Variants in ADAMTS12 observed in about 807,000 individuals in gnomAD.
ADAMTS12 encodes A disintegrin and metalloproteinase with thrombospondin motifs 12.
ADAMTS12 carries 118 observed loss-of-function variants against 167.8 expected under a neutral mutation model. The observed-to-expected ratio is 0.70, with a 90% CI of 0.61 to 0.82. The LOEUF is 0.82. ADAMTS12 is among the 40% of genes least tolerant of loss of function. ADAMTS12 has a pLI of 0.00. For missense variants in ADAMTS12, 1,916 were observed against 1,998.8 expected, an observed-to-expected ratio of 0.96 and a Z score of 0.79; for synonymous variants, 704 against 716.9, an observed-to-expected ratio of 0.98 and a Z score of 0.29.
chr5:33,875,505 C>G (rs1750196872), intron 2 of ADAMTS12, among the ~76,000 whole-genome samples: 1 of 152,144 alleles, frequency 6.6e-6, no homozygotes, highest in South Asian at 2.1e-4. Context: ...AAAATAAACA[C>G]TTTTTAAAAA....
chr5:33,695,973 T>G (rs1012042165), intron 3 of ADAMTS12, among the ~76,000 whole-genome samples: 7 of 152,228 alleles, frequency 4.6e-5, no homozygotes, highest in African/African-American at 1.2e-4. Context: ...TTTCCTGCAC[T>G]TCAATCGCTG....
chr5:33,614,284 G>C lies in ADAMTS12; in HGVS notation c.2481C>G (p.Phe827Leu). 1 of 1,614,118 alleles carries C rather than the reference G, an allele frequency of 6.2e-7. No individual in the cohort carries two copies. Among genetic ancestry groups the C allele is most frequent in the South Asian group, 1.1e-5 (1 of 91,088 alleles). Residue 827 changes from phenylalanine (F) to leucine (L), a missense_variant, in exon 16 of 24, where the codon TTC (phenylalanine) becomes TTG (leucine). Coordinates refer to ENST00000504830, the MANE Select transcript of ADAMTS12 (RefSeq NM_030955.4). ...ACTCTGTCCAGTGGCCGTACTGCCA[G>C]AAGTACATCTGCTGCTCAACATCAT... ...LDNDVEQQMY[F>L]WQYGHWTECS...
chr5:33,888,974 G>A (rs16891881), intron 1 of ADAMTS12, among the ~76,000 whole-genome samples: 14,699 of 152,164 alleles, frequency 0.097, 1,274 homozygotes, highest in African/African-American at 0.22. Flanking sequence ...CTAAAATCCT[G>A]ACTTAGCCCA....
At chr5:33,883,483 G>A (rs1022442108) in intron 1 of ADAMTS12, among the ~76,000 whole-genome samples, 1 of 151,864 alleles carries the variant, frequency 6.6e-6, no homozygotes, top group Non-Finnish European at 1.5e-5. Flanking sequence ...TAAAAAGCCC[G>A]GACCCATTAC....
chr5:33,604,416 A>T lies in ADAMTS12; in HGVS notation c.2528-8356T>A, dbSNP rs141805113. Among the ~76,000 whole-genome samples the T allele has an allele frequency of 2.3e-4, 35 of 152,012 alleles. No individual in the cohort carries two copies. In the East Asian group the frequency reaches 6.8e-3, roughly 29 times the overall value. On this transcript the variant is annotated intron_variant, in intron 16 of 23. Coordinates refer to ENST00000504830, the MANE Select transcript of ADAMTS12 (RefSeq NM_030955.4). ...CTGGGCAGGCTGAGGCAGGAGAATC[A>T]CTTGAACCTGGGAGGTGGAGGTTGC...
intron 14 of ADAMTS12, among the ~76,000 whole-genome samples, chr5:33,622,732 A>C (rs954957604): frequency 1.3e-5 from 2 of 152,248 alleles, no homozygotes; most frequent in Non-Finnish European, 1.5e-5. Flanking sequence ...TTTATAAGTA[A>C]GTAAAGCCAC....
At chr5:33,574,189 C>T (rs1391533145) in intron 19 of ADAMTS12, among the ~76,000 whole-genome samples, 6 of 151,764 alleles carry the variant, frequency 4.0e-5, no homozygotes, top group South Asian at 2.1e-4. Flanking sequence ...GTCAGTGTGG[C>T]GATTCCTCAG....
At chr5:33,549,883 T>G (rs1488385653) in intron 20 of ADAMTS12, among the ~76,000 whole-genome samples, 1 of 152,268 alleles carries the variant, frequency 6.6e-6, no homozygotes, top group Non-Finnish European at 1.5e-5. Flanking sequence ...TGATGCTGGA[T>G]GCAGAATAGG....
intron 2 of ADAMTS12, among the ~76,000 whole-genome samples, chr5:33,769,547 T>TA (rs1745667247): frequency 6.6e-6 from 1 of 152,162 alleles, no homozygotes; most frequent in Admixed American, 6.5e-5. Context: ...TTACATCAAT[T>TA]ACAGGCAGTG....
intron 3 of ADAMTS12, among the ~76,000 whole-genome samples, chr5:33,684,788 G>A (rs74654533): frequency 4.6e-5 from 7 of 152,194 alleles, no homozygotes; most frequent in East Asian, 3.8e-4. Context: ...TTTGGAAGAC[G>A]AAATCTAGGA....
chr5:33,879,010 G>A (rs2111766253), intron 2 of ADAMTS12, among the ~76,000 whole-genome samples: 1 of 152,270 alleles, frequency 6.6e-6, no homozygotes, highest in East Asian at 1.9e-4. Context: ...GGTTCCCTAG[G>A]AGTGGAGGAA....
chr5:33,561,222 C>T (rs372101087), intron 19 of ADAMTS12, 43 bp from the exon 20 acceptor site: 33 of 1,599,926 alleles, frequency 2.1e-5, no homozygotes, highest in Non-Finnish European at 2.7e-5. Flanking sequence ...TGAGTGTCAC[C>T]TTCTCACACA....
At chr5:33,542,896 C>G (rs754678056) in intron 22 of ADAMTS12, among the ~76,000 whole-genome samples, 41 of 151,956 alleles carry the variant, frequency 2.7e-4, no homozygotes, top group Non-Finnish European at 2.6e-4. Context: ...CACTAAATGC[C>G]CACAAGAGAA....
At chr5:33,872,546 GA>G (rs61345844) in intron 2 of ADAMTS12, among the ~76,000 whole-genome samples, 55,063 of 141,730 alleles carry the variant, frequency 0.39, 10,910 homozygotes, top group African/African-American at 0.53. Flanking sequence ...GACTTCATCT[GA>G]AAAAAAAAAA....
intron 7 of ADAMTS12, among the ~76,000 whole-genome samples, chr5:33,654,560 A>G (rs919000196): frequency 5.3e-5 from 8 of 152,082 alleles, no homozygotes; most frequent in East Asian, 1.9e-4. Flanking sequence ...TCCCCATGTA[A>G]TCTGTCCTGA....
intron 2 of ADAMTS12, among the ~76,000 whole-genome samples, chr5:33,832,656 GGT>G (rs1748345375): frequency 6.6e-6 from 1 of 152,164 alleles, no homozygotes; most frequent in Non-Finnish European, 1.5e-5. Context: ...GCACTAGCGG[GGT>G]GGTGGTGTTT....
intron 6 of ADAMTS12, among the ~76,000 whole-genome samples, chr5:33,659,006 A>G (rs924364783): frequency 6.6e-6 from 1 of 152,194 alleles, no homozygotes; most frequent in Admixed American, 6.6e-5. Context: ...AGAGTCACTA[A>G]TTAGTCACTA....
intron 2 of ADAMTS12, among the ~76,000 whole-genome samples, chr5:33,825,563 G>T (rs888416399): frequency 6.6e-6 from 1 of 152,084 alleles, no homozygotes; most frequent in Non-Finnish European, 1.5e-5. Context: ...AGGAACTAAA[G>T]GGCAAAAAGC....
In ADAMTS12 at chr5:33,751,379, C is replaced by T. The variant is rs757339822; in HGVS notation, c.634+25G>A. 4.3e-6 allele frequency: 7 copies of T among 1,613,986 alleles called. No individual in the cohort carries two copies. The South Asian group carries it at 7.7e-5, about 18-fold the overall frequency. ...AAAGAACAAAACAGATTCTTCAACC[C>T]AGGAGGACATGTGAGTCACAATACC... On this transcript the variant is annotated intron_variant, in intron 3 of 23. Coordinates refer to ENST00000504830, the MANE Select transcript of ADAMTS12 (RefSeq NM_030955.4).
Sources: gnomAD v4.1 joint callset for allele counts (sites outside exome capture counted in the v4.1 genomes callset) on GRCh38, gnomAD v4.1.1 for gene constraint, MANE v1.5 for transcripts, NCBI Gene and HGNC (gene_info 2026-07-23, HGNC 2026-07-21) for gene names.